RREB1: variants seen among roughly 807,000 people sequenced by gnomAD.
RREB1 encodes ras responsive element binding protein 1.
Under a neutral mutation model 117.8 loss-of-function variants are expected in RREB1, and 27 were observed. The observed-to-expected ratio is 0.23, with a 90% confidence interval of 0.17 to 0.32. The LOEUF (loss-of-function observed/expected upper bound fraction) is 0.32, where lower values mean the gene tolerates loss of function less well. RREB1 is among the 10% of genes least tolerant of loss of function. The pLI is 1.00. For synonymous variants in RREB1, 1,298 were observed against 1,026.7 expected (o/e 1.26, Z -5.05); for missense variants, 2,577 against 2,378.2 (o/e 1.08, Z -1.74).
chr6:7,247,636 G>A (rs1769168987), intron 12 of RREB1, among the ~76,000 whole-genome samples: 1 of 152,104 alleles, frequency 6.6e-6, no homozygotes, highest in South Asian at 2.1e-4. Flanking sequence ...GCCGCTGTGG[G>A]GCAGGCACCC....
chr6:7,128,000 A>G (rs933044031), intron 1 of RREB1, among the ~76,000 whole-genome samples: 11 of 152,162 alleles, frequency 7.2e-5, no homozygotes, highest in Admixed American at 3.3e-4. Context: ...TTAATGGTGT[A>G]GTAATTATTG....
At chr6:7,136,266 A>G (rs903882538) in intron 1 of RREB1, among the ~76,000 whole-genome samples, 1 of 152,208 alleles carries the variant, frequency 6.6e-6, no homozygotes, top group African/African-American at 2.4e-5. Context: ...AGATGTCAGT[A>G]ATGCCCGTAT....
intron 4 of RREB1, 89 bp downstream of exon 4, chr6:7,182,171 T>C: frequency 8.1e-7 from 1 of 1,234,526 alleles, no homozygotes; most frequent in East Asian, 2.5e-5. Flanking sequence ...GATAAAACCT[T>C]GGAAGAATTG....
At chr6:7,195,033 G>T (rs1435586524) in intron 6 of RREB1, among the ~76,000 whole-genome samples, 2 of 152,166 alleles carry the variant, frequency 1.3e-5, no homozygotes, top group African/African-American at 4.8e-5. Flanking sequence ...TTGTTAAATG[G>T]TACATATCAG....
intron 2 of RREB1, among the ~76,000 whole-genome samples, chr6:7,178,041 G>T (rs1045546345): frequency 1.3e-5 from 2 of 151,956 alleles, no homozygotes; most frequent in Admixed American, 6.6e-5. Context: ...TTTTTATTTT[G>T]TATAGGTGGG....
chr6:7,228,604 T>C (rs1767727896), intron 9 of RREB1, among the ~76,000 whole-genome samples: 1 of 146,538 alleles, frequency 6.8e-6, no homozygotes, highest in Non-Finnish European at 1.5e-5. Flanking sequence ...CTCCTTAAGC[T>C]CAGGTGCTTT....
intron 1 of RREB1, among the ~76,000 whole-genome samples, chr6:7,171,169 G>A (rs1300241284): frequency 6.6e-6 from 1 of 152,206 alleles, no homozygotes; most frequent in Admixed American, 6.5e-5. Context: ...GAACACAAGG[G>A]TATATAACGT....
chr6:7,169,045 T>A (rs1764091915), intron 1 of RREB1, among the ~76,000 whole-genome samples: 1 of 149,964 alleles, frequency 6.7e-6, no homozygotes, highest in African/African-American at 2.4e-5. Flanking sequence ...AAAAATATAA[T>A]TGGATGCACA....
intron 8 of RREB1, chr6:7,216,925 CCACTA>C (rs1284947032): frequency 6.6e-6 from 1 of 152,434 alleles, no homozygotes; most frequent in Non-Finnish European, 1.5e-5. Flanking sequence ...GCTTCGGTAG[CCACTA>C]CACACCCTTT....
intron 5 of RREB1, 122 bp from the exon 6 acceptor site, chr6:7,189,037 G>C: frequency 1.1e-6 from 1 of 916,498 alleles, no homozygotes; most frequent in Non-Finnish European, 1.6e-6. Flanking sequence ...TAAAATGAAA[G>C]AGAAACACAT....
At chr6:7,122,345 A>G (rs993421240) in intron 1 of RREB1, among the ~76,000 whole-genome samples, 2 of 152,190 alleles carry the variant, frequency 1.3e-5, no homozygotes, top group Non-Finnish European at 2.9e-5. Flanking sequence ...GGCTCACTGC[A>G]GTCTCGACCT....
At chr6:7,118,801 A>ATTTT (rs70978942) in intron 1 of RREB1, among the ~76,000 whole-genome samples, 1 of 47,056 alleles carries the variant, frequency 2.1e-5, no homozygotes, top group African/African-American at 9.2e-5. Flanking sequence ...GTTTTTTTTA[A>ATTTT]TTTTTTTTTT....
Position 7,189,218 on chromosome 6 carries a change from C to T in RREB1, c.321C>T (p.Ser107=). 1 of 1,613,610 alleles carries T rather than the reference C, an allele frequency of 6.2e-7. No individual in the cohort carries two copies. The highest frequency in any genetic ancestry group is 8.5e-7 in the Non-Finnish European group (1 of 1,179,846). The stretch of plus-strand genomic sequence containing the variant: ...GCAGCATCTGCGGAAAGTCACTGAG[C>T]TCGGCCAGCTCCCTCGATCGCCACA... ...HSCSICGKSL[S]SASSLDRHML... The change falls in exon 6 of 13, where the codon AGC becomes AGT. Residue 107 remains serine (S), a synonymous_variant. Transcript: ENST00000379938.
At chr6:7,142,221 A>T (rs75883547) in intron 1 of RREB1, among the ~76,000 whole-genome samples, 9 of 81,112 alleles carry the variant, frequency 1.1e-4, no homozygotes, top group Middle Eastern at 6.1e-3. Flanking sequence ...GTCTTAATTT[A>T]AAAAAAAAAA....
At chr6:7,154,061 CG>C (rs1252203584) in intron 1 of RREB1, among the ~76,000 whole-genome samples, 6 of 152,180 alleles carry the variant, frequency 3.9e-5, no homozygotes, top group Admixed American at 3.9e-4. Context: ...CAAAGGTATA[CG>C]GTTGCCAGGA....
chr6:7,126,007 G>A (rs1316160371), intron 1 of RREB1, among the ~76,000 whole-genome samples: 1 of 152,058 alleles, frequency 6.6e-6, no homozygotes, highest in East Asian at 1.9e-4. Flanking sequence ...TTGTTTGTTT[G>A]TTTGTTTGTT....
At position 7,249,101 on chromosome 6, in the gene RREB1, G is replaced by GAGAGAGAGAGACAGACAGAC. The variant is rs1561812153; in HGVS notation, c.*136_*137insGAGAGAGACAGACAGACAGA. The GAGAGAGAGAGACAGACAGAC allele has an allele frequency of 1.7e-6, 1 of 592,000 alleles. No homozygotes were observed. Among genetic ancestry groups the GAGAGAGAGAGACAGACAGAC allele is most frequent in the African/African-American group, 2.1e-5 (1 of 48,704 alleles). The allele number at this position is 592,000 out of a possible 1,614,324, so 36.7% of individuals were successfully genotyped here. A position where few individuals can be genotyped will look rare whatever the true frequency, so the allele number is the denominator to read the frequency against. ...AGAGAGAGAGAGAGAGAGAGAGAGA[G>GAGAGAGAGAGACAGACAGAC]AGACAAGCAGGAGCGTGGCTGCTCG... On this transcript the variant is annotated 3_prime_UTR_variant, in exon 13 of 13. Transcript: ENST00000379938.
intron 1 of RREB1, among the ~76,000 whole-genome samples, chr6:7,155,346 G>C (rs1390361077): frequency 1.3e-5 from 2 of 152,188 alleles, no homozygotes; most frequent in African/African-American, 4.8e-5. Flanking sequence ...TTGCTCTGTT[G>C]CCCAGGCTGG....
rs1466514682 is a variant in RREB1, at chr6:7,231,366, A to C, written c.3267A>C (p.Pro1089=). 13 of 1,612,936 alleles carry C rather than the reference A, an allele frequency of 8.1e-6. No individual in the cohort carries two copies. The highest frequency in any genetic ancestry group is 1.1e-5 in the Non-Finnish European group (13 of 1,179,680). ...PTLLKTKVAD[P]GPASTGSNTT... is the part of the protein sequence containing the mutation. ...TGCTGAAAACCAAGGTGGCGGACCC[A>C]GGGCCCGCAAGCACTGGCAGTAACA... Residue 1089 remains proline (P), a synonymous_variant, in exon 10 of 13, where the codon CCA becomes CCC. Transcript: ENST00000379938.
Sources: gnomAD v4.1 joint callset for allele counts (sites outside exome capture counted in the v4.1 genomes callset) on GRCh38, gnomAD v4.1.1 for gene constraint, MANE v1.5 for transcripts, NCBI Gene and HGNC (gene_info 2026-07-23, HGNC 2026-07-21) for gene names.